Variants in PFKFB3 observed in about 807,000 individuals in gnomAD.
PFKFB3 encodes the protein 6-phosphofructo-2-kinase/fructose-2,6-bisphosphatase 3.
PFKFB3 carries 33 observed loss-of-function variants against 68.0 expected under a neutral mutation model. The observed-to-expected ratio is 0.49, with a 90% CI of 0.37 to 0.65. The LOEUF (loss-of-function observed/expected upper bound fraction) is 0.65. Among genes scored for constraint, PFKFB3 ranks in the 30% least tolerant of loss-of-function variants. The pLI, the probability that PFKFB3 is intolerant of heterozygous loss-of-function variation, is 0.00. For missense variants in PFKFB3, 586 were observed against 712.2 expected, an observed-to-expected ratio of 0.82 and a Z score of 2.02; for synonymous variants, 315 against 288.2, an observed-to-expected ratio of 1.09 and a Z score of -0.94.
intron 1 of PFKFB3, among the ~76,000 whole-genome samples, chr10:6,189,030 G>A (rs1156401245): frequency 1.6e-4 from 25 of 152,002 alleles, no homozygotes; most frequent in Non-Finnish European, 3.2e-4. Flanking sequence ...TAGTGGAAAC[G>A]GGGTTTCACT....
At chr10:6,187,124 G>A (rs892666375) in intron 1 of PFKFB3, among the ~76,000 whole-genome samples, 2 of 152,062 alleles carry the variant, frequency 1.3e-5, no homozygotes, top group Non-Finnish European at 2.9e-5. Context: ...ATTTTGGGAG[G>A]CCAAGGCGGG....
chr10:6,228,597 G>A lies in PFKFB3; in HGVS notation c.1515+2232G>A, dbSNP rs539348050. On this transcript the variant is annotated intron_variant, in intron 14 of 14. Coordinates refer to ENST00000379775, the MANE Select transcript of PFKFB3 (RefSeq NM_004566.4). This position sits in a 1 kb window ranked among gnomAD's most constrained non-coding sequence, Gnocchi z 4.5. ...GCTGCATCTGTGCCAGGTGCCATTA[G>A]CCTTAAAGCCCCCTCCTGCCCCAGG... Among the ~76,000 whole-genome samples the A allele has an allele frequency of 6.6e-6, 1 of 152,138 alleles. No homozygotes were observed. Among genetic ancestry groups the A allele is most frequent in the South Asian group, 2.1e-4 (1 of 4,826 alleles).
chr10:6,203,791 C>T (rs61297532), intron 1 of PFKFB3, among the ~76,000 whole-genome samples: 1 of 152,134 alleles, frequency 6.6e-6, no homozygotes, highest in Non-Finnish European at 1.5e-5. Flanking sequence ...CCTATCCCCT[C>T]GCTTCACTTA....
intron 14 of PFKFB3, 116 bp from the exon 15 acceptor site, chr10:6,232,779 G>T (rs904201677): frequency 1.2e-6 from 1 of 822,404 alleles, no homozygotes; most frequent in Non-Finnish European, 2.0e-6. Context: ...CATGTTCTTT[G>T]TCTGGGATGG....
chr10:6,170,414 C>T (rs543908136), intron 1 of PFKFB3, among the ~76,000 whole-genome samples: 5 of 152,174 alleles, frequency 3.3e-5, no homozygotes, highest in South Asian at 2.1e-4. Flanking sequence ...ATATAGAAGA[C>T]GAAAATATAA....
intron 1 of PFKFB3, among the ~76,000 whole-genome samples, chr10:6,145,447 C>A (rs1272606736): frequency 6.6e-6 from 1 of 152,176 alleles, no homozygotes; most frequent in Non-Finnish European, 1.5e-5. Context: ...CAGCGAATTC[C>A]CGCTTCCCGC....
downstream of PFKFB3, among the ~76,000 whole-genome samples, chr10:6,236,296 GCCT>G (rs1431021504): frequency 6.6e-6 from 1 of 152,198 alleles, no homozygotes; most frequent in Non-Finnish European, 1.5e-5. Context: ...TTCACTTCCA[GCCT>G]CAGCGTCTGC....
At chr10:6,174,631 G>A (rs1276534630) in intron 1 of PFKFB3, among the ~76,000 whole-genome samples, 4 of 152,166 alleles carry the variant, frequency 2.6e-5, no homozygotes, top group South Asian at 2.1e-4. Context: ...AGTGACTGGC[G>A]CAGGGTGAGA....
At chr10:6,245,421 T>TTAC (rs1846234416) in intron 14 of PFKFB3, among the ~76,000 whole-genome samples, 1 of 149,846 alleles carries the variant, frequency 6.7e-6, no homozygotes, top group African/African-American at 2.5e-5. Flanking sequence ...ATTATTATTA[T>TTAC]TACTATTATT....
chr10:6,208,371 C>CTTTTTTTTTTTTT lies in PFKFB3; in HGVS notation c.76+5045_76+5057dup, dbSNP rs35447462. Among the ~76,000 whole-genome samples, 170 of 60,638 alleles carry CTTTTTTTTTTTTT rather than the reference C, an allele frequency of 2.8e-3. 26 individuals carry two copies. The highest frequency in any genetic ancestry group is 4.9e-3 in the African/African-American group (73 of 14,958). The allele number at this position is 60,638 out of a possible 152,430, so 39.8% of individuals were successfully genotyped here. A position where few individuals can be genotyped will look rare whatever the true frequency, so the allele number is the denominator to read the frequency against. ...ACAGGTGTAAGCCAGGGTACCTGGCCTTTTTTTTTTTTTTTTTTTTTTGCC... is the reference window on the plus strand; with the variant it reads ...ACAGGTGTAAGCCAGGGTACCTGGCCTTTTTTTTTTTTTTTTTTTTTTTTTTTTTTTTTTTGCC... On this transcript the variant is annotated intron_variant, in intron 1 of 14. Transcript: ENST00000379775.
chr10:6,307,053 A>C, the PFKFB3 span, among the ~76,000 whole-genome samples: 5 of 152,128 alleles, frequency 3.3e-5, no homozygotes, highest in Non-Finnish European at 1.5e-5. Flanking sequence ...AATCAGTTGA[A>C]GACCTCACTA....
chr10:6,183,614 A>AAAAAATATAT (rs1242752213), intron 1 of PFKFB3, among the ~76,000 whole-genome samples: 23 of 93,950 alleles, frequency 2.4e-4, no homozygotes, highest in African/African-American at 7.5e-4. Flanking sequence ...AAAAAAAAAA[A>AAAAAATATAT]ATATATATAT....
At chr10:6,186,373 C>G (rs1339207937) in intron 1 of PFKFB3, among the ~76,000 whole-genome samples, 3 of 152,112 alleles carry the variant, frequency 2.0e-5, no homozygotes, top group Non-Finnish European at 4.4e-5. Context: ...TGGAAAATAA[C>G]TTTTTCTGAA....
At chr10:6,205,367 T>G (rs993637844) in intron 1 of PFKFB3, among the ~76,000 whole-genome samples, 3 of 148,992 alleles carry the variant, frequency 2.0e-5, no homozygotes, top group African/African-American at 4.9e-5. Context: ...TTTGGGACAT[T>G]GGGTGGGTTT....
intron 14 of PFKFB3, among the ~76,000 whole-genome samples, chr10:6,241,354 G>A (rs1199495910): frequency 6.6e-6 from 1 of 152,184 alleles, no homozygotes; most frequent in Non-Finnish European, 1.5e-5. Flanking sequence ...ACTTCCTTCT[G>A]GGGATGTTAA....
the PFKFB3 span, chr10:6,293,840 A>T: frequency 2.5e-6 from 1 of 396,730 alleles, no homozygotes; most frequent in Non-Finnish European, 5.1e-6. Context: ...TGGTTCCCAA[A>T]TCTCAGACCA....
intron 14 of PFKFB3, among the ~76,000 whole-genome samples, chr10:6,231,810 A>G (rs953997919): frequency 1.3e-5 from 2 of 148,556 alleles, no homozygotes; most frequent in African/African-American, 2.5e-5. Context: ...GCAGGCACCT[A>G]TCACCTCCTG....
chr10:6,217,023 G>C (rs1164954448), intron 5 of PFKFB3, 112 bp from the exon 6 acceptor site: 1 of 1,090,108 alleles, frequency 9.2e-7, no homozygotes, highest in Non-Finnish European at 1.4e-6. Context: ...CCTGTGTTTG[G>C]GAGTTGGTGG....
intron 1 of PFKFB3, among the ~76,000 whole-genome samples, chr10:6,148,115 G>A (rs546374549): frequency 6.6e-6 from 1 of 152,348 alleles, no homozygotes; most frequent in African/African-American, 2.4e-5. Context: ...AGCAAGACAT[G>A]GTGTCTCCTC....
Sources: gnomAD v4.1 joint callset for allele counts (sites outside exome capture counted in the v4.1 genomes callset) on GRCh38, gnomAD v4.1.1 for gene constraint, Gnocchi (gnomAD v3.1) non-coding constraint, MANE v1.5 for transcripts, NCBI Gene and HGNC (gene_info 2026-07-23, HGNC 2026-07-21) for gene names.